ADGRF1: variants seen among roughly 807,000 people sequenced by gnomAD.
ADGRF1 encodes G protein-coupled receptor 110.
In ADGRF1, 85 loss-of-function variants were observed where a neutral mutation model predicts 87.2. That is an observed-to-expected ratio of 0.97 (90% CI 0.82 to 1.17). ADGRF1 has a LOEUF of 1.17. Among genes scored for constraint, ADGRF1 ranks in the 50% most tolerant of loss-of-function variants. The probability of loss-of-function intolerance (pLI) is 0.00; values close to 1 mark genes in which losing one functional copy is unlikely to be tolerated. For missense variants in ADGRF1, 1,169 were observed against 1,077.2 expected (o/e 1.09, Z -1.19); for synonymous variants, 430 against 408.8 (o/e 1.05, Z -0.63).
chr6:47,040,175 A>T (rs1306978413), intron 1 of ADGRF1, among the ~76,000 whole-genome samples: 1 of 150,556 alleles, frequency 6.6e-6, no homozygotes, highest in Non-Finnish European at 1.5e-5. Flanking sequence ...TTAAAAAGAG[A>T]ACCAGGTGGC....
intron 7 of ADGRF1, chr6:47,018,023 T>A (rs1779932669): frequency 5.4e-6 from 1 of 185,166 alleles, no homozygotes; most frequent in Non-Finnish European, 1.1e-5. Context: ...AGCATTGCTG[T>A]AATGGAAATA....
In ADGRF1 at chr6:47,020,751, C is replaced by G. The variant is rs371309909; in HGVS notation, c.591G>C (p.Ser197=). Residue 197 remains serine, a synonymous_variant, in exon 7 of 15, where the codon TCG becomes TCC. Coordinates refer to ENST00000371253, the MANE Select transcript of ADGRF1 (RefSeq NM_153840.4). ...KAYERIQGFE[S]VQVTQFRNGS... is the part of the protein sequence containing the mutation. Reference sequence around the variant, plus strand: ...CTTACCGAAATTGGGTGACCTGAACCGACTCAAAACCTTGAATTCTTTCAT... The same window carrying G: ...CTTACCGAAATTGGGTGACCTGAACGGACTCAAAACCTTGAATTCTTTCAT... 1.9e-6 allele frequency: 3 copies of G among 1,613,750 alleles called. No individual in the cohort carries two copies. Among genetic ancestry groups the G allele is most frequent in the Non-Finnish European group, 2.5e-6 (3 of 1,179,826 alleles).
At chr6:47,019,536 T>C (rs941103246) in intron 7 of ADGRF1, 1 of 300,668 alleles carries the variant, frequency 3.3e-6, no homozygotes, top group Non-Finnish European at 4.9e-6. Flanking sequence ...ACAAAAAAAT[T>C]AGCCAGGCGT....
At chr6:47,036,380 C>A (rs118139445) in intron 1 of ADGRF1, among the ~76,000 whole-genome samples, 3 of 152,120 alleles carry the variant, frequency 2.0e-5, no homozygotes, top group Admixed American at 6.5e-5. Context: ...ACACGTACCC[C>A]CTGATGCTAA....
At chr6:47,006,522 T>A (rs1779536461) in intron 12 of ADGRF1, among the ~76,000 whole-genome samples, 3 of 152,162 alleles carry the variant, frequency 2.0e-5, no homozygotes, top group Middle Eastern at 3.2e-3. Context: ...ATACTTTACT[T>A]TTTAAAATAT....
chr6:47,001,401 C>T, intron 14 of ADGRF1, 100 bp downstream of exon 14: 1 of 950,058 alleles, frequency 1.1e-6, no homozygotes, highest in Non-Finnish European at 1.6e-6. Context: ...CCACACTTCT[C>T]ACATGAGTTT....
intron 9 of ADGRF1, chr6:47,012,502 A>G: frequency 1.9e-6 from 1 of 533,164 alleles, no homozygotes; most frequent in Non-Finnish European, 2.5e-6. Context: ...TTCATTTTAT[A>G]GCTAAGGAAA....
chr6:47,016,005 T>C (rs913567428), intron 8 of ADGRF1, among the ~76,000 whole-genome samples: 1 of 152,102 alleles, frequency 6.6e-6, no homozygotes, highest in African/African-American at 2.4e-5. Flanking sequence ...CCCAAAGTGC[T>C]AGGATTATAG....
At chr6:47,018,265 C>T (rs931512323) in intron 7 of ADGRF1, 11 of 640,880 alleles carry the variant, frequency 1.7e-5, no homozygotes, top group South Asian at 1.5e-4. Context: ...GAGATCAATA[C>T]ATTAAGTCAA....
In ADGRF1 at chr6:47,025,809, C is replaced by T. The variant is rs73480752; in HGVS notation, c.277+45G>A. Reference sequence around the variant, plus strand: ...AACCCAACCTAGCCTGACTGATATACCCGCCTTCCCCATTTATACATCCAG... The same window carrying T: ...AACCCAACCTAGCCTGACTGATATATCCGCCTTCCCCATTTATACATCCAG... On this transcript the variant is annotated intron_variant, in intron 4 of 14. Transcript: ENST00000371253. 5,162 of 1,521,412 alleles carry T rather than the reference C, an allele frequency of 3.4e-3. 147 individuals are homozygous for T. In the African/African-American group the frequency reaches 0.062, roughly 18 times the overall value. 94.2% of individuals were successfully genotyped at this position (1,521,412 alleles called of 1,614,324 possible). A position where few individuals can be genotyped will look rare whatever the true frequency, so the allele number is the denominator to read the frequency against.
chr6:47,001,308 C>T (rs1392453261), intron 14 of ADGRF1, among the ~76,000 whole-genome samples, 193 bp downstream of exon 14: 1 of 152,204 alleles, frequency 6.6e-6, no homozygotes, highest in East Asian at 1.9e-4. Context: ...TCTGGTTCTC[C>T]ATGAGCATCA....
Position 47,016,717 on chromosome 6 carries a change from A to G in ADGRF1, c.663T>C (p.Ser221=). 1.2e-6 allele frequency: 2 copies of G among 1,611,166 alleles called. No homozygotes were observed. The highest frequency in any genetic ancestry group is 1.7e-6 in the Non-Finnish European group (2 of 1,177,662). The stretch of plus-strand genomic sequence containing the variant: ...CATGTTCAATGGCTGACAGCAGTTC[A>G]GATGCACTGCTGGAGCCAACAACTT... ...GYEVVGSSSA[S]ELLSAIEHVA... Residue 221 remains serine (S), a synonymous_variant, in exon 8 of 15, where the codon TCT becomes TCC. Coordinates refer to ENST00000371253, the MANE Select transcript of ADGRF1 (RefSeq NM_153840.4).
chr6:47,008,793 AT>A (rs914617603), intron 11 of ADGRF1, 151 bp downstream of exon 11: 2 of 655,360 alleles, frequency 3.1e-6, no homozygotes, highest in African/African-American at 1.8e-5. Flanking sequence ...TAAGAAAAAT[AT>A]TTTTTTCTAT....
intron 1 of ADGRF1, among the ~76,000 whole-genome samples, chr6:47,032,733 G>A (rs768764128): frequency 1.3e-5 from 2 of 152,214 alleles, no homozygotes; most frequent in Non-Finnish European, 2.9e-5. Context: ...GGTACCCAGA[G>A]TGGTGCCTAG....
chr6:47,009,400 C>G lies in ADGRF1; in HGVS notation c.2035G>C (p.Gly679Arg). 6.2e-7 allele frequency: 1 copy of G among 1,613,860 alleles called. No homozygotes were observed. Among genetic ancestry groups the G allele is most frequent in the Non-Finnish European group, 8.5e-7 (1 of 1,179,900 alleles). The change falls in exon 11 of 15, where the codon GGC becomes CGC. Residue 679 changes from glycine to arginine, a missense_variant. By Grantham distance (125) the Gly-to-Arg change is moderately radical. Coordinates refer to ENST00000371253, the MANE Select transcript of ADGRF1 (RefSeq NM_153840.4). ...ATGATCCGGTAAGCCAGCAGGATGC[C>G]AAGCATGAGCATCCAGAAGAACAAA... ...LSLFFWMLML[G>R]ILLAYRIILV...
chr6:47,009,762 A>G lies in ADGRF1; in HGVS notation c.1673T>C (p.Ile558Thr), dbSNP rs753617949. The change falls in exon 11 of 15, where the codon ATC becomes ACC. Residue 558 changes from isoleucine to threonine, a missense_variant. Coordinates refer to ENST00000371253, the MANE Select transcript of ADGRF1 (RefSeq NM_153840.4). Reference sequence around the variant, plus strand: ...CAAGTGAGTACATTGGCACGTCACGATGTCTTGAGTTTCATTCACTAGGTG... The same window carrying G: ...CAAGTGAGTACATTGGCACGTCACGGTGTCTTGAGTTTCATTCACTAGGTG... ...GCHLVNETQD[I>T]VTCQCTHLTS... The G allele has an allele frequency of 7.4e-6, 12 of 1,614,060 alleles. No individual in the cohort carries two copies. Among genetic ancestry groups the G allele is most frequent in the Non-Finnish European group, 8.5e-6 (10 of 1,180,012 alleles).
At chr6:47,016,946 TATGA>T in intron 7 of ADGRF1, 178 bp from the exon 8 acceptor site, 3 of 511,018 alleles carry the variant, frequency 5.9e-6, no homozygotes, top group Non-Finnish European at 8.3e-6. Flanking sequence ...TACATATATA[TATGA>T]TATATATATA....
intron 6 of ADGRF1, 127 bp from the exon 7 acceptor site, chr6:47,020,916 G>C: frequency 4.3e-6 from 3 of 704,796 alleles, no homozygotes; most frequent in Non-Finnish European, 7.5e-6. Flanking sequence ...AAGAGACACA[G>C]TGGGAAGTAA....
chr6:47,004,762 T>G (rs1561863805), intron 13 of ADGRF1, among the ~76,000 whole-genome samples: 1 of 152,212 alleles, frequency 6.6e-6, no homozygotes, highest in Admixed American at 6.5e-5. Flanking sequence ...TGTGAGAACT[T>G]CTGCTTTGAA....
Sources: gnomAD v4.1 joint callset for allele counts (sites outside exome capture counted in the v4.1 genomes callset) on GRCh38, gnomAD v4.1.1 for gene constraint, MANE v1.5 for transcripts, NCBI Gene and HGNC (gene_info 2026-07-23, HGNC 2026-07-21) for gene names.